The following TAS2R1 variants were observed in gnomAD, a reference collection of about 807,000 sequenced individuals.
The protein encoded by TAS2R1 is taste receptor type 2 member 1.
For synonymous variants in TAS2R1, 141 were observed against 134.2 expected (o/e 1.05, Z -0.35); for missense variants, 370 against 353.4 (o/e 1.05, Z -0.38).
chr5:9,753,751 C>A, the TAS2R1 span, among the ~76,000 whole-genome samples: 1 of 152,154 alleles, frequency 6.6e-6, no homozygotes, highest in South Asian at 2.1e-4. Context: ...GATCCAGTTT[C>A]AGCTTTCTAC....
chr5:9,842,943 T>A, the TAS2R1 span, among the ~76,000 whole-genome samples: 2 of 152,142 alleles, frequency 1.3e-5, no homozygotes, highest in African/African-American at 4.8e-5. Context: ...AAGAAAACCA[T>A]GAATTTGGGC....
chr5:9,706,931 G>A (rs935744941), intron 1 of TAS2R1, among the ~76,000 whole-genome samples: 2 of 152,130 alleles, frequency 1.3e-5, no homozygotes, highest in Non-Finnish European at 2.9e-5. Flanking sequence ...AAATGATGCG[G>A]TTTTTTTAAA....
the TAS2R1 span, among the ~76,000 whole-genome samples, chr5:9,840,187 ACTGT>A: frequency 6.6e-6 from 1 of 152,174 alleles, no homozygotes; most frequent in African/African-American, 2.4e-5. Context: ...TAAACTGAGG[ACTGT>A]CTGCACAAGT....
At chr5:9,891,333 A>G in the TAS2R1 span, among the ~76,000 whole-genome samples, 1 of 151,888 alleles carries the variant, frequency 6.6e-6, no homozygotes, top group Non-Finnish European at 1.5e-5. Context: ...TCATTTTGGG[A>G]AAAAAAAATT....
At chr5:9,766,519 T>C in the TAS2R1 span, among the ~76,000 whole-genome samples, 1 of 152,202 alleles carries the variant, frequency 6.6e-6, no homozygotes, top group Non-Finnish European at 1.5e-5. Flanking sequence ...CAGTTCTGAG[T>C]ACCCCAAAGG....
At chr5:9,878,500 G>A in the TAS2R1 span, among the ~76,000 whole-genome samples, 56 of 152,316 alleles carry the variant, frequency 3.7e-4, no homozygotes, top group East Asian at 5.4e-3. Context: ...AGTGAACCAC[G>A]AACGCTTGTA....
At chr5:9,800,037 C>A in the TAS2R1 span, among the ~76,000 whole-genome samples, 1 of 152,202 alleles carries the variant, frequency 6.6e-6, no homozygotes, top group African/African-American at 2.4e-5. Context: ...TTTACAAGCA[C>A]ACGTGGAGAT....
At position 9,702,730 on chromosome 5, in the gene TAS2R1, G is replaced by A. The variant is rs530480389; in HGVS notation, c.-242+9442C>T. On this transcript the variant is annotated intron_variant, in intron 1 of 2. Coordinates refer to the TAS2R1 transcript ENST00000506620. ...CACCCAAAATGATCTTGTCAAACCA[G>A]AAGACATAAGGGCAGAAGGATAGAA... Among the ~76,000 whole-genome samples the A allele has an allele frequency of 9.9e-5, 15 of 152,238 alleles. No individual in the cohort carries two copies. In the South Asian group the frequency reaches 3.1e-3, roughly 32 times the overall value.
chr5:9,629,651 A>G lies in TAS2R1; in HGVS notation c.382T>C (p.Trp128Arg), dbSNP rs1179519344. 2 of 1,614,048 alleles carry G rather than the reference A, an allele frequency of 1.2e-6. No homozygotes were observed. The highest frequency in any genetic ancestry group is 1.3e-5 in the African/African-American group (1 of 74,940). Reference protein sequence around the residue: ...LKMRISKLVPWMILGSLLYVS... With the variant: ...LKMRISKLVPRMILGSLLYVS... ...TATAGCAGAGACCCCAGGATCATCC[A>G]TGGGACCAGCTTGGATATCCTCATC... Residue 128 changes from tryptophan to arginine, a missense_variant, in exon 1 of 1, where the codon TGG becomes CGG. Trp to Arg is a moderately radical substitution (Grantham distance 101). Coordinates refer to ENST00000382492, the MANE Select transcript of TAS2R1 (RefSeq NM_019599.3).
the TAS2R1 span, among the ~76,000 whole-genome samples, chr5:9,860,624 G>A: frequency 6.6e-6 from 1 of 152,026 alleles, no homozygotes; most frequent in Non-Finnish European, 1.5e-5. Flanking sequence ...ATTAGGAAAA[G>A]CCTTCAGCCT....
intron 1 of TAS2R1, among the ~76,000 whole-genome samples, chr5:9,675,731 A>C (rs1740861616): frequency 6.6e-6 from 1 of 151,898 alleles, no homozygotes; most frequent in South Asian, 2.1e-4. Context: ...ATTATTTCTA[A>C]CAGGTTTTTC....
At chr5:9,705,864 C>CA (rs1481341491) in intron 1 of TAS2R1, among the ~76,000 whole-genome samples, 4 of 151,886 alleles carry the variant, frequency 2.6e-5, no homozygotes, top group East Asian at 3.9e-4. Context: ...CTCCATCCCC[C>CA]CCCAAAAAAA....
At chr5:9,843,011 T>G in the TAS2R1 span, among the ~76,000 whole-genome samples, 11 of 152,270 alleles carry the variant, frequency 7.2e-5, no homozygotes, top group African/African-American at 2.4e-4. Flanking sequence ...CTGCCCATCT[T>G]GGACACTTCA....
the TAS2R1 span, among the ~76,000 whole-genome samples, chr5:9,878,342 G>A: frequency 1.3e-5 from 2 of 152,130 alleles, no homozygotes; most frequent in Non-Finnish European, 2.9e-5. Context: ...GCCCAGGACT[G>A]TGTCATAGAG....
the TAS2R1 span, among the ~76,000 whole-genome samples, chr5:9,727,616 G>A: frequency 6.6e-5 from 10 of 152,196 alleles, no homozygotes; most frequent in Non-Finnish European, 1.2e-4. Flanking sequence ...TAAGATATAG[G>A]TGGCCTCTGA....
chr5:9,687,581 G>A (rs1741153675), intron 1 of TAS2R1, among the ~76,000 whole-genome samples: 1 of 152,074 alleles, frequency 6.6e-6, no homozygotes, highest in Admixed American at 6.5e-5. Flanking sequence ...CTGTAGTCCA[G>A]ATCCCCCGAA....
chr5:9,895,123 TC>T, the TAS2R1 span, among the ~76,000 whole-genome samples: 1 of 152,254 alleles, frequency 6.6e-6, no homozygotes, highest in East Asian at 1.9e-4. Context: ...CTCGGCTTTC[TC>T]ATGCCTAAGC....
chr5:9,636,309 A>G (rs1739963750), intron 2 of TAS2R1, among the ~76,000 whole-genome samples: 1 of 152,160 alleles, frequency 6.6e-6, no homozygotes, highest in South Asian at 2.1e-4. Flanking sequence ...TGTACTTGAT[A>G]TAATTTTGAT....
intron 1 of TAS2R1, among the ~76,000 whole-genome samples, chr5:9,666,754 C>T (rs1740641742): frequency 6.6e-6 from 1 of 152,068 alleles, no homozygotes; most frequent in African/African-American, 2.4e-5. Context: ...TAACAGGTAA[C>T]ATCAGTTACA....
Sources: gnomAD v4.1 joint callset for allele counts (sites outside exome capture counted in the v4.1 genomes callset) on GRCh38, gnomAD v4.1.1 for gene constraint, MANE v1.5 for transcripts, NCBI Gene and HGNC (gene_info 2026-07-23, HGNC 2026-07-21) for gene names.